Variants in INTS15 observed in about 807,000 individuals in gnomAD.
INTS15 encodes the protein integrator complex subunit 15, also known as uncharacterized protein C7orf26.
At chr7:6,598,434 A>C in the INTS15 span, among the ~76,000 whole-genome samples, 1 of 140,862 alleles carries the variant, frequency 7.1e-6, no homozygotes, top group South Asian at 2.2e-4. Context: ...ACGCCACTGC[A>C]CTCCAGCCTG....
At chr7:6,594,001 C>CTTT in the INTS15 span, among the ~76,000 whole-genome samples, 2,321 of 68,818 alleles carry the variant, frequency 0.034, 83 homozygotes, top group African/African-American at 0.051. Context: ...AAGCCTTTAA[C>CTTT]TTTTTTTTTT....
the INTS15 span, chr7:6,602,845 C>A: frequency 2.3e-6 from 1 of 435,106 alleles, no homozygotes. Flanking sequence ...TCCCTGCCTT[C>A]TGCCTGAAGT....
chr7:6,607,658 C>G, the INTS15 span: 1 of 1,498,132 alleles, frequency 6.7e-7, no homozygotes. This position sits in a 1 kb window ranked among gnomAD's most constrained non-coding sequence, Gnocchi z 6.0. Flanking sequence ...TGTGTCCCAG[C>G]GCAGCAGAGA....
the INTS15 span, chr7:6,590,379 G>T: frequency 4.4e-6 from 7 of 1,607,114 alleles, no homozygotes; most frequent in African/African-American, 2.7e-5. Context: ...GCAGCCAGCT[G>T]CAGAGCGCGC....
chr7:6,607,511 C>G, the INTS15 span: 1 of 1,305,526 alleles, frequency 7.7e-7, no homozygotes, highest in Non-Finnish European at 1.0e-6. The surrounding 1 kb of genome is among the most constrained non-coding windows in gnomAD (Gnocchi z 6.0). Context: ...CCGAGGGGGC[C>G]GCACCGGACT....
the INTS15 span, among the ~76,000 whole-genome samples, chr7:6,596,318 T>C: frequency 6.6e-6 from 1 of 150,806 alleles, no homozygotes; most frequent in East Asian, 2.0e-4. Context: ...CCTCCCAAAG[T>C]GCTGGGATTA....
the INTS15 span, chr7:6,607,966 C>T: frequency 2.5e-6 from 4 of 1,599,676 alleles, no homozygotes; most frequent in African/African-American, 5.3e-5. The surrounding 1 kb of genome is among the most constrained non-coding windows in gnomAD (Gnocchi z 6.0). Context: ...GCAGCCTCCT[C>T]CAGCTGGTGA....
At chr7:6,607,938 A>ACGCTTATGCTTGTGTT in the INTS15 span, 1 of 1,597,702 alleles carries the variant, frequency 6.3e-7, no homozygotes, top group South Asian at 1.1e-5. The surrounding 1 kb of genome is among the most constrained non-coding windows in gnomAD (Gnocchi z 6.0). Context: ...GCCCGCGCTG[A>ACGCTTATGCTTGTGTT]CGCTTATGCT....
the INTS15 span, among the ~76,000 whole-genome samples, chr7:6,594,901 C>T: frequency 6.0e-5 from 9 of 151,038 alleles, no homozygotes; most frequent in African/African-American, 9.7e-5. Flanking sequence ...TTTTTTTGTG[C>T]GTTTTTAGTA....
chr7:6,602,694 TTG>T, the INTS15 span: 1 of 471,124 alleles, frequency 2.1e-6, no homozygotes, highest in East Asian at 6.9e-5. Flanking sequence ...CCAGTGGTGT[TTG>T]TGAATTTCTC....
At chr7:6,591,365 C>G in the INTS15 span, among the ~76,000 whole-genome samples, 1 of 150,620 alleles carries the variant, frequency 6.6e-6, no homozygotes, top group African/African-American at 2.4e-5. Flanking sequence ...CTCCCAGGTT[C>G]AAGCGAGATT....
chr7:6,591,100 T>C, the INTS15 span, among the ~76,000 whole-genome samples: 2 of 151,670 alleles, frequency 1.3e-5, no homozygotes, highest in Non-Finnish European at 2.9e-5. Context: ...GCCTCCAAAG[T>C]GTTGGAATTA....
At chr7:6,599,802 T>G in the INTS15 span, 5 of 1,604,908 alleles carry the variant, frequency 3.1e-6, no homozygotes, top group Admixed American at 6.7e-5. Flanking sequence ...CCAAGAGTGC[T>G]CCTGACCTAA....
the INTS15 span, chr7:6,590,280 C>A: frequency 1.9e-6 from 3 of 1,542,456 alleles, no homozygotes; most frequent in African/African-American, 1.4e-5. Context: ...GCGGCGGCCG[C>A]ACCATGAGCG....
At chr7:6,597,589 C>T in the INTS15 span, among the ~76,000 whole-genome samples, 1 of 152,226 alleles carries the variant, frequency 6.6e-6, no homozygotes, top group South Asian at 2.1e-4. Flanking sequence ...GCCACCACAC[C>T]CGACCTACCT....
At chr7:6,591,792 G>T in the INTS15 span, 3 of 1,614,058 alleles carry the variant, frequency 1.9e-6, no homozygotes, top group African/African-American at 2.7e-5. Context: ...GGATGAGCTT[G>T]TTGGGAAAAC....
chr7:6,606,301 C>T, the INTS15 span, among the ~76,000 whole-genome samples: 1 of 152,224 alleles, frequency 6.6e-6, no homozygotes, highest in South Asian at 2.1e-4. Context: ...CTCCTGGGGG[C>T]CCTGGGCCCA....
the INTS15 span, chr7:6,590,259 G>A: frequency 1.3e-6 from 2 of 1,491,936 alleles, no homozygotes; most frequent in South Asian, 2.5e-5. Flanking sequence ...GACGCGCTCG[G>A]CGCGGGGGCC....
the INTS15 span, chr7:6,600,337 A>C: frequency 1.2e-6 from 2 of 1,613,058 alleles, no homozygotes; most frequent in Non-Finnish European, 1.7e-6. Flanking sequence ...TGGCCTCAGG[A>C]GCTCTGCTGT....
Sources: allele counts gnomAD v4.1 joint callset (sites outside exome capture counted in the v4.1 genomes callset), GRCh38; gene constraint gnomAD v4.1.1; non-coding constraint Gnocchi (gnomAD v3.1); transcripts MANE v1.5; gene names NCBI Gene and HGNC (gene_info 2026-07-23, HGNC 2026-07-21).